Variants in NEGR1 observed in about 807,000 individuals in gnomAD.
NEGR1 encodes IgLON family member 4.
A neutral mutation model predicts 40.9 loss-of-function variants in NEGR1; 10 were observed. The ratio of observed to expected loss-of-function variants is 0.24; its 90% CI spans 0.15 to 0.42. The LOEUF is 0.42. NEGR1 is among the 10% of genes least tolerant of loss of function. The probability of loss-of-function intolerance (pLI) is 1.00; values close to 1 mark genes in which losing one functional copy is unlikely to be tolerated. For missense variants in NEGR1, 352 were observed against 438.9 expected, an observed-to-expected ratio of 0.80 and a Z score of 1.77; for synonymous variants, 185 against 166.8, an observed-to-expected ratio of 1.11 and a Z score of -0.84.
At chr1:71,986,043 T>C (rs946958141) in intron 1 of NEGR1, among the ~76,000 whole-genome samples, 2 of 152,218 alleles carry the variant, frequency 1.3e-5, no homozygotes, top group African/African-American at 4.8e-5. Context: ...AAGGAATATC[T>C]TGAGTATACA....
chr1:71,474,554 AC>A (rs1646806459), intron 6 of NEGR1, among the ~76,000 whole-genome samples: 1 of 150,960 alleles, frequency 6.6e-6, no homozygotes, highest in East Asian at 2.0e-4. Context: ...ACACACACAC[AC>A]ACACAATTAG....
chr1:71,728,178 C>G (rs1654734537), intron 3 of NEGR1, among the ~76,000 whole-genome samples: 1 of 152,034 alleles, frequency 6.6e-6, no homozygotes, highest in South Asian at 2.1e-4. Context: ...AAGTGGGTTG[C>G]TTATATAGGC....
chr1:72,106,238 C>T (rs1402064666), intron 1 of NEGR1, among the ~76,000 whole-genome samples: 1 of 152,042 alleles, frequency 6.6e-6, no homozygotes, highest in Non-Finnish European at 1.5e-5. Context: ...GGATTGGGAG[C>T]TTGGTCTCAC....
chr1:71,539,511 C>T (rs1455833745), intron 6 of NEGR1, among the ~76,000 whole-genome samples: 1 of 151,610 alleles, frequency 6.6e-6, no homozygotes, highest in Admixed American at 6.6e-5. Context: ...AGTTTTTTGT[C>T]CCTACATGCA....
At chr1:72,089,542 A>G (rs187441847) in intron 1 of NEGR1, among the ~76,000 whole-genome samples, 192 of 152,316 alleles carry the variant, frequency 1.3e-3, no homozygotes, top group African/African-American at 4.3e-3. Flanking sequence ...CCTGTAGAAA[A>G]AAGAGTTAAT....
intron 4 of NEGR1, among the ~76,000 whole-genome samples, chr1:71,613,067 G>A (rs2101544757): frequency 6.6e-6 from 1 of 152,250 alleles, no homozygotes; most frequent in East Asian, 1.9e-4. Flanking sequence ...GATGACTCTG[G>A]CTGCTGTGTT....
chr1:72,146,244 C>A (rs1650904516), intron 1 of NEGR1, among the ~76,000 whole-genome samples: 1 of 152,270 alleles, frequency 6.6e-6, no homozygotes, highest in Middle Eastern at 3.4e-3. Context: ...TAATTAAACA[C>A]AACATCTTAA....
At chr1:71,415,129 T>G (rs373648537) in intron 6 of NEGR1, among the ~76,000 whole-genome samples, 13 of 144,830 alleles carry the variant, frequency 9.0e-5, no homozygotes, top group East Asian at 3.9e-4. Context: ...ACATTTTGGG[T>G]TTTTTTTTTC....
chr1:72,110,540 C>A lies in NEGR1; in HGVS notation c.176+171779G>T, dbSNP rs115053802. On this transcript the variant is annotated intron_variant, in intron 1 of 6. Transcript: ENST00000357731. ...TTTTCCAGCATTAGCCACTTTTCAA[C>A]GCTGAATTATTATTTTTAAAAACTT... Among the ~76,000 whole-genome samples, 1,167 of 151,590 alleles carry A rather than the reference C, an allele frequency of 7.7e-3. 14 individuals are homozygous for A. The highest frequency in any genetic ancestry group is 0.027 in the African/African-American group (1,127 of 41,442).
At chr1:71,810,588 G>A (rs1657965399) in intron 2 of NEGR1, among the ~76,000 whole-genome samples, 1 of 152,034 alleles carries the variant, frequency 6.6e-6, no homozygotes, top group Admixed American at 6.6e-5. Context: ...TCCTATCTCC[G>A]CTCAAACCTC....
intron 1 of NEGR1, among the ~76,000 whole-genome samples, chr1:72,245,512 C>CA (rs1369259996): frequency 6.6e-6 from 1 of 152,072 alleles, no homozygotes; most frequent in Non-Finnish European, 1.5e-5. Context: ...ACTATGGCAT[C>CA]AACTCATGTT....
intron 1 of NEGR1, among the ~76,000 whole-genome samples, chr1:72,236,517 C>G (rs1281131081): frequency 1.3e-5 from 2 of 151,936 alleles, no homozygotes; most frequent in East Asian, 1.9e-4. Context: ...GTACTAATGT[C>G]TAGTTCATCA....
chr1:72,197,256 T>C (rs2100439951), intron 1 of NEGR1, among the ~76,000 whole-genome samples: 1 of 152,128 alleles, frequency 6.6e-6, no homozygotes, highest in Admixed American at 6.6e-5. Context: ...TCATATTCTT[T>C]AGTATTTAAA....
intron 3 of NEGR1, among the ~76,000 whole-genome samples, chr1:71,752,641 T>A (rs1655607829): frequency 6.6e-6 from 1 of 151,258 alleles, no homozygotes; most frequent in Non-Finnish European, 1.5e-5. Context: ...TATTTCTTGG[T>A]CAAATAAAGA....
chr1:72,232,669 C>T (rs1282774091), intron 1 of NEGR1, among the ~76,000 whole-genome samples: 8 of 151,670 alleles, frequency 5.3e-5, no homozygotes, highest in Admixed American at 4.6e-4. Flanking sequence ...TCACTTTTAT[C>T]AAGTGTTTTT....
intron 3 of NEGR1, among the ~76,000 whole-genome samples, chr1:71,699,591 A>G (rs1197893641): frequency 6.6e-6 from 1 of 151,956 alleles, no homozygotes; most frequent in African/African-American, 2.4e-5. Flanking sequence ...AATTTTTAAA[A>G]TATAACTTAA....
intron 6 of NEGR1, among the ~76,000 whole-genome samples, chr1:71,458,339 G>C (rs1397864211): frequency 6.6e-6 from 1 of 152,082 alleles, no homozygotes; most frequent in Non-Finnish European, 1.5e-5. Flanking sequence ...ATTAAACATT[G>C]TCCTGTTTTA....
At chr1:71,922,063 T>G (rs1421579039) in intron 2 of NEGR1, among the ~76,000 whole-genome samples, 1 of 152,132 alleles carries the variant, frequency 6.6e-6, no homozygotes, top group African/African-American at 2.4e-5. Flanking sequence ...CTAATACTTT[T>G]GTAAGCAGGT....
At chr1:72,081,208 T>A (rs2100528220) in intron 1 of NEGR1, among the ~76,000 whole-genome samples, 1 of 152,150 alleles carries the variant, frequency 6.6e-6, no homozygotes, top group East Asian at 1.9e-4. Flanking sequence ...AGTTCTAAAT[T>A]CAGTACATCC....
Sources: gnomAD v4.1 joint callset for allele counts (sites outside exome capture counted in the v4.1 genomes callset) on GRCh38, gnomAD v4.1.1 for gene constraint, MANE v1.5 for transcripts, NCBI Gene and HGNC (gene_info 2026-07-23, HGNC 2026-07-21) for gene names.